UQCC1: variants seen among roughly 807,000 people sequenced by gnomAD.
UQCC1 encodes the protein bFGF-repressed Zic-binding protein.
A neutral mutation model predicts 48.0 loss-of-function variants in UQCC1; 38 were observed. The observed-to-expected ratio is 0.79, with a 90% CI of 0.61 to 1.04. UQCC1 has a LOEUF of 1.04. Ranked by LOEUF, UQCC1 falls within the 50% of genes least tolerant of loss-of-function variation. The pLI is 0.00. For synonymous variants in UQCC1, 111 were observed against 129.2 expected (o/e 0.86, Z 0.95); for missense variants, 368 against 381.8 (o/e 0.96, Z 0.30).
intron 6 of UQCC1, among the ~76,000 whole-genome samples, chr20:35,348,361 A>G (rs1179423481): frequency 6.9e-6 from 1 of 144,822 alleles, no homozygotes; most frequent in East Asian, 2.1e-4. Flanking sequence ...GCATGACCAT[A>G]GTTCATTCTT....
chr20:35,350,788 T>C (rs1419055835), intron 6 of UQCC1, among the ~76,000 whole-genome samples: 1 of 148,438 alleles, frequency 6.7e-6, no homozygotes, highest in African/African-American at 2.5e-5. Flanking sequence ...CACCTGTAAT[T>C]CCAACACTTT....
At chr20:35,343,234 C>T (rs950956934) in intron 7 of UQCC1, among the ~76,000 whole-genome samples, 6 of 151,886 alleles carry the variant, frequency 4.0e-5, no homozygotes, top group African/African-American at 1.2e-4. Flanking sequence ...CACCTTCAAA[C>T]CATAGATTTT....
intron 6 of UQCC1, among the ~76,000 whole-genome samples, chr20:35,353,535 A>G (rs979082775): frequency 2.0e-5 from 3 of 152,164 alleles, no homozygotes; most frequent in African/African-American, 7.2e-5. Flanking sequence ...TCACACCTGT[A>G]ATCCCAGCAC....
At chr20:35,410,435 A>T (rs1181748440) in intron 1 of UQCC1, among the ~76,000 whole-genome samples, 1 of 151,080 alleles carries the variant, frequency 6.6e-6, no homozygotes, top group African/African-American at 2.4e-5. Context: ...GGGAGGCTGA[A>T]GCAGGAGAAC....
chr20:35,339,476 A>T (rs546822908), intron 7 of UQCC1, among the ~76,000 whole-genome samples: 51 of 152,336 alleles, frequency 3.3e-4, no homozygotes, highest in African/African-American at 1.2e-3. Context: ...CAGACGGAAT[A>T]GCATAAACAA....
At chr20:35,344,179 A>T (rs979908516) in intron 7 of UQCC1, 15 of 152,266 alleles carry the variant, frequency 9.9e-5, no homozygotes, top group African/African-American at 3.6e-4. Flanking sequence ...TTTACTGCAT[A>T]AGCAAAAAAC....
chr20:35,402,615 A>AT (rs1568714741), intron 1 of UQCC1, among the ~76,000 whole-genome samples: 2 of 129,950 alleles, frequency 1.5e-5, no homozygotes, highest in African/African-American at 5.8e-5. Context: ...AAACAAACAA[A>AT]ATATATATAT....
chr20:35,365,886 T>C (rs1433621953), intron 6 of UQCC1, among the ~76,000 whole-genome samples: 2 of 152,184 alleles, frequency 1.3e-5, no homozygotes, highest in Non-Finnish European at 1.5e-5. Flanking sequence ...ATGGTCAAAG[T>C]AGTAAACTTA....
At chr20:35,393,497 C>A (rs1292145973) in intron 2 of UQCC1, among the ~76,000 whole-genome samples, 6 of 86,296 alleles carry the variant, frequency 7.0e-5, no homozygotes, top group African/African-American at 2.4e-4. Flanking sequence ...CACACAAACA[C>A]ACACAAACAC....
In UQCC1 at chr20:35,374,286, G is replaced by A. The variant is rs377100269; in HGVS notation, c.334-30C>T. The A allele has an allele frequency of 3.1e-4, 488 of 1,553,614 alleles. 1 individual carries two copies. Among genetic ancestry groups the A allele is most frequent in the Middle Eastern group, 5.0e-4 (3 of 5,958 alleles). On this transcript the variant is annotated intron_variant, in intron 4 of 9. Transcript: ENST00000374385. ...ACAAAGAGAATAAAACCAAACTCAA[G>A]ACATGACCAAGTGGATGTTCTACTT...
intron 5 of UQCC1, among the ~76,000 whole-genome samples, chr20:35,373,421 G>A (rs562641083): frequency 6.6e-5 from 10 of 152,306 alleles, no homozygotes; most frequent in Admixed American, 2.0e-4. Context: ...GCTCACGCCT[G>A]TAATCCCAGC....
chr20:35,357,683 A>AAG (rs1427763963), intron 6 of UQCC1, among the ~76,000 whole-genome samples: 132 of 151,524 alleles, frequency 8.7e-4, no homozygotes, highest in African/African-American at 3.0e-3. Flanking sequence ...AAAAAAAAAA[A>AAG]AAAAAGAAAG....
At chr20:35,384,966 CAAAAAAAAAAAAAA>C (rs57141083) in intron 2 of UQCC1, among the ~76,000 whole-genome samples, 3 of 69,762 alleles carry the variant, frequency 4.3e-5, no homozygotes, top group South Asian at 5.9e-4. Context: ...GAATCGGTCT[CAAAAAAAAAAAAAA>C]AAAAAAAAAA....
chr20:35,378,590 A>T (rs2061830190), intron 4 of UQCC1, among the ~76,000 whole-genome samples: 1 of 152,228 alleles, frequency 6.6e-6, no homozygotes, highest in South Asian at 2.1e-4. Flanking sequence ...AGATCGCGCC[A>T]CTGCACTCCA....
chr20:35,337,146 A>AC (rs2061324366), intron 7 of UQCC1, among the ~76,000 whole-genome samples: 1 of 151,554 alleles, frequency 6.6e-6, no homozygotes, highest in South Asian at 2.1e-4. Context: ...GTTGGGTCCC[A>AC]CCCCAGTTTT....
rs1285776081 is a variant in UQCC1, at chr20:35,351,349, G to A, written c.465-4077C>T. 2.7e-5 allele frequency among the ~76,000 whole-genome samples: 4 copies of A among 145,714 alleles called. No individual in the cohort carries two copies. In the East Asian group the frequency reaches 6.0e-4, roughly 22 times the overall value. On this transcript the variant is annotated intron_variant, in intron 6 of 9. Coordinates refer to ENST00000374385, the MANE Select transcript of UQCC1 (RefSeq NM_018244.5). ...GAGATTGCAGTAAGTCAAAGATCAC[G>A]CCACTGCACTCCAGCCTGGGCAACA...
intron 1 of UQCC1, among the ~76,000 whole-genome samples, chr20:35,401,088 A>C (rs2062157775): frequency 6.6e-6 from 1 of 152,186 alleles, no homozygotes; most frequent in Non-Finnish European, 1.5e-5. Context: ...ATTGCTTCTA[A>C]AGGAAATGCC....
At position 35,308,854 on chromosome 20, in the gene UQCC1, A is replaced by G. The variant is rs376476653; in HGVS notation, c.652-2075T>C. 6.6e-5 allele frequency among the ~76,000 whole-genome samples: 10 copies of G among 152,236 alleles called. No individual in the cohort carries two copies. The East Asian group carries it at 7.7e-4, about 12-fold the overall frequency. On this transcript the variant is annotated intron_variant, in intron 8 of 9. Coordinates refer to ENST00000374385, the MANE Select transcript of UQCC1 (RefSeq NM_018244.5). The stretch of plus-strand genomic sequence containing the variant: ...CTCAGCCTCCCAAGTAGCTGGGACT[A>G]CGGGCATGTGCCATCACACCCGGCT...
chr20:35,370,535 C>A (rs906898647), intron 5 of UQCC1, among the ~76,000 whole-genome samples: 3 of 152,128 alleles, frequency 2.0e-5, no homozygotes, highest in Non-Finnish European at 4.4e-5. Context: ...AATCTACCCA[C>A]AAATGACAAA....
Sources: allele counts gnomAD v4.1 joint callset (sites outside exome capture counted in the v4.1 genomes callset), GRCh38; gene constraint gnomAD v4.1.1; transcripts MANE v1.5; gene names NCBI Gene and HGNC (gene_info 2026-07-23, HGNC 2026-07-21).